The following RCOR3 variants were observed in gnomAD, a reference collection of about 807,000 sequenced individuals.
RCOR3 encodes the protein REST corepressor 3.
RCOR3 carries 13 observed loss-of-function variants against 64.1 expected under a neutral mutation model. The ratio of observed to expected loss-of-function variants is 0.20; its 90% confidence interval spans 0.13 to 0.32. The LOEUF is 0.32. RCOR3 is among the 10% of genes least tolerant of loss of function. The probability of loss-of-function intolerance (pLI) is 1.00; values close to 1 mark genes in which losing one functional copy is unlikely to be tolerated. For missense variants in RCOR3, 489 were observed against 701.2 expected (o/e 0.70, Z 3.42); for synonymous variants, 215 against 239.0 (o/e 0.90, Z 0.93).
chr1:211,285,111 A>T (rs1012364906), intron 7 of RCOR3, among the ~76,000 whole-genome samples: 57 of 152,182 alleles, frequency 3.7e-4, no homozygotes, highest in African/African-American at 1.3e-3. Context: ...TTGATTTCCT[A>T]TATAGTGATT....
intron 4 of RCOR3, among the ~76,000 whole-genome samples, chr1:211,274,780 A>G (rs937186825): frequency 6.6e-6 from 1 of 151,908 alleles, no homozygotes; most frequent in African/African-American, 2.4e-5. Flanking sequence ...TCAAAAGGAT[A>G]TATCTATATA....
chr1:211,287,196 C>G (rs1362116309), intron 7 of RCOR3, among the ~76,000 whole-genome samples: 4 of 152,152 alleles, frequency 2.6e-5, no homozygotes, highest in Non-Finnish European at 2.9e-5. Context: ...TCCACCCAGC[C>G]AAGAGTGAGA....
chr1:211,295,861 G>C (rs1184635407), intron 9 of RCOR3, 108 bp downstream of exon 9: 1 of 675,514 alleles, frequency 1.5e-6, no homozygotes, highest in Non-Finnish European at 2.6e-6. Context: ...TACTTTGAAG[G>C]TTTCATAATA....
At chr1:211,271,339 C>G in intron 3 of RCOR3, 30 bp downstream of exon 3, 1 of 1,568,848 alleles carries the variant, frequency 6.4e-7, no homozygotes, top group Middle Eastern at 1.7e-4. Flanking sequence ...ATGTTAATGT[C>G]AGCAGGAGTT....
chr1:211,260,755 G>A (rs552241562), intron 2 of RCOR3, among the ~76,000 whole-genome samples: 1 of 152,076 alleles, frequency 6.6e-6, no homozygotes, highest in Non-Finnish European at 1.5e-5. Context: ...GTGGGGGAAG[G>A]GGGTGGGGAG....
intron 7 of RCOR3, among the ~76,000 whole-genome samples, chr1:211,280,596 C>T (rs1481396027): frequency 6.6e-6 from 1 of 152,186 alleles, no homozygotes; most frequent in Non-Finnish European, 1.5e-5. Flanking sequence ...TCCATCCCTT[C>T]GTATCTACTC....
At chr1:211,293,532 T>TAG (rs1293391335) in intron 8 of RCOR3, among the ~76,000 whole-genome samples, 2 of 152,218 alleles carry the variant, frequency 1.3e-5, no homozygotes, top group East Asian at 3.8e-4. Context: ...TCCTTTTCTT[T>TAG]GGAACACTTT....
chr1:211,274,803 G>A (rs1018338657), intron 4 of RCOR3, among the ~76,000 whole-genome samples: 1 of 151,724 alleles, frequency 6.6e-6, no homozygotes, highest in Non-Finnish European at 1.5e-5. Flanking sequence ...ATATATGTCT[G>A]TATGTAGAGT....
Position 211,313,744 on chromosome 1 carries a change from A to G in RCOR3, c.1638A>G (p.Thr546=). The part of the protein sequence containing the change: ...QQPPSLIGIQ[T]DSQSSLH ...CACCATCACTTATTGGAATTCAGAC[A>G]GATTCACAGTCCTCACTGCACTAAA... The change falls in exon 12 of 12, where the codon ACA becomes ACG. Residue 546 remains threonine (T), a synonymous_variant. Coordinates refer to ENST00000419091, the MANE Select transcript of RCOR3 (RefSeq NM_001136223.3). This position sits in a 1 kb window ranked among gnomAD's most constrained non-coding sequence, Gnocchi z 4.7. The G allele has an allele frequency of 6.2e-7, 1 of 1,614,206 alleles. No homozygotes were observed. The highest frequency in any genetic ancestry group is 1.7e-5 in the Admixed American group (1 of 60,028).
At chr1:211,284,502 C>CTTTATTTA (rs71767571) in intron 7 of RCOR3, among the ~76,000 whole-genome samples, 15,271 of 134,948 alleles carry the variant, frequency 0.11, 858 homozygotes, top group Admixed American at 0.15. Context: ...GGTAGAGATC[C>CTTTATTTA]TTTATTTATT....
Position 211,274,277 on chromosome 1 carries a change from ACTT to A in RCOR3, c.354+17_354+19del. On this transcript the variant is annotated intron_variant, in intron 4 of 11. Transcript: ENST00000419091. The stretch of plus-strand genomic sequence containing the variant: ...ATGTGGAACAGGTATGTAGAGAAAC[ACTT>A]CAGTAGTAAGGCTTGTCCCAATATT... 6.4e-7 allele frequency: 1 copy of A among 1,562,416 alleles called. No individual in the cohort carries two copies. The highest frequency in any genetic ancestry group is 8.8e-7 in the Non-Finnish European group (1 of 1,134,984).
chr1:211,266,569 G>T (rs1279183527), intron 2 of RCOR3, among the ~76,000 whole-genome samples: 2 of 152,130 alleles, frequency 1.3e-5, no homozygotes, highest in Non-Finnish European at 2.9e-5. Context: ...TTGCTATCTA[G>T]GTTTTGGTTT....
intron 1 of RCOR3, 168 bp from the exon 2 acceptor site, chr1:211,259,923 TGCCCCCCCCCGCTCCCC>T: frequency 2.2e-6 from 2 of 909,012 alleles, no homozygotes; most frequent in African/African-American, 1.9e-5. Flanking sequence ...CCTCCGCCTT[TGCCCCCCCCCGCTCCCC>T]GCCCCCAATC....
intron 10 of RCOR3, among the ~76,000 whole-genome samples, chr1:211,305,550 T>C (rs1164073490): frequency 6.6e-6 from 1 of 152,206 alleles, no homozygotes; most frequent in Non-Finnish European, 1.5e-5. Context: ...AGTAGCCTGG[T>C]AAAAACTGAA....
chr1:211,287,422 A>T (rs1698683290), intron 7 of RCOR3, among the ~76,000 whole-genome samples: 1 of 152,226 alleles, frequency 6.6e-6, no homozygotes, highest in South Asian at 2.1e-4. Flanking sequence ...TGGCCTCGGA[A>T]GAATTTCCTC....
chr1:211,274,228 T>C lies in RCOR3; in HGVS notation c.320T>C (p.Ile107Thr), dbSNP rs1558057018. The C allele has an allele frequency of 5.0e-6, 8 of 1,604,202 alleles. No individual in the cohort carries two copies. The highest frequency in any genetic ancestry group is 6.0e-6 in the Non-Finnish European group (7 of 1,171,768). ...PDAKLDEYIA[I>T]AKEKHGYNVE... ...ATTGCAGTGGATGAATACATTGCAA[T>C]TGCAAAGGAAAAGCATGGCTACAAT... The change falls in exon 4 of 12, where the codon ATT (isoleucine) becomes ACT (threonine). Residue 107 changes from isoleucine to threonine, a missense_variant. By Grantham distance (89) the Ile-to-Thr change is moderately conservative (BLOSUM62 -1). Coordinates refer to ENST00000419091, the MANE Select transcript of RCOR3 (RefSeq NM_001136223.3).
Position 211,289,304 on chromosome 1 carries a change from C to CTT in RCOR3, c.847_848insTT (p.Gln283LeufsTer6). On this transcript the variant is annotated frameshift_variant, in exon 8 of 12. Transcript: ENST00000419091. LOFTEE classifies it high-confidence loss of function. Reference sequence around the variant, plus strand: ...TCCACCTAAGGGCATGTATTTAACCCAGGAAGATGTGGTAGCAGTTTCCTG... The same window carrying CTT: ...TCCACCTAAGGGCATGTATTTAACCCTTAGGAAGATGTGGTAGCAGTTTCCTG... The CTT allele has an allele frequency of 6.2e-7, 1 of 1,614,102 alleles. No individual in the cohort carries two copies. Among genetic ancestry groups the CTT allele is most frequent in the Non-Finnish European group, 8.5e-7 (1 of 1,180,010 alleles).
At chr1:211,267,923 TA>T (rs1459875517) in intron 2 of RCOR3, 5 of 348,930 alleles carry the variant, frequency 1.4e-5, no homozygotes, top group Middle Eastern at 4.0e-4. Flanking sequence ...GGGAAAAATT[TA>T]AAAAAAGTTT....
chr1:211,291,963 AT>A (rs1699291745), intron 8 of RCOR3, among the ~76,000 whole-genome samples: 1 of 152,208 alleles, frequency 6.6e-6, no homozygotes, highest in Non-Finnish European at 1.5e-5. Flanking sequence ...TATAAAAAAA[AT>A]TTTAAAAATA....
Sources: gnomAD v4.1 joint callset for allele counts (sites outside exome capture counted in the v4.1 genomes callset) on GRCh38, gnomAD v4.1.1 for gene constraint, Gnocchi (gnomAD v3.1) non-coding constraint, MANE v1.5 for transcripts, NCBI Gene and HGNC (gene_info 2026-07-23, HGNC 2026-07-21) for gene names.